Variants in TRAPPC9 observed in about 807,000 individuals in gnomAD.
TRAPPC9 encodes trafficking protein particle complex subunit 9.
Under a neutral mutation model 124.0 loss-of-function variants are expected in TRAPPC9, and 83 were observed. That is an observed-to-expected ratio of 0.67 (90% CI 0.56 to 0.80). TRAPPC9 has a LOEUF of 0.80. Among genes scored for constraint, TRAPPC9 ranks in the 30% least tolerant of loss-of-function variants. The pLI is 0.00. For missense variants in TRAPPC9, 1,302 were observed against 1,508.3 expected, an observed-to-expected ratio of 0.86 and a Z score of 2.27; for synonymous variants, 638 against 617.5, an observed-to-expected ratio of 1.03 and a Z score of -0.49.
chr8:139,863,406 T>A (rs916287065), intron 21 of TRAPPC9, among the ~76,000 whole-genome samples: 12 of 152,124 alleles, frequency 7.9e-5, no homozygotes, highest in African/African-American at 2.7e-4. Flanking sequence ...GGCCCCTACA[T>A]GCTCTCCAGG....
chr8:140,154,071 G>A (rs1041093329), intron 17 of TRAPPC9, among the ~76,000 whole-genome samples: 10 of 152,164 alleles, frequency 6.6e-5, no homozygotes, highest in African/African-American at 2.2e-4. Context: ...TTGCTTGGAT[G>A]TTTTAAAGGC....
intron 21 of TRAPPC9, among the ~76,000 whole-genome samples, chr8:139,757,474 G>A (rs559435601): frequency 4.9e-3 from 743 of 150,900 alleles, no homozygotes; most frequent in African/African-American, 0.018. Context: ...GTCGCAGGAG[G>A]AGCCAGGGTT....
intron 20 of TRAPPC9, chr8:139,904,601 T>C (rs901954023): frequency 7.2e-5 from 11 of 152,388 alleles, no homozygotes; most frequent in African/African-American, 2.6e-4. Flanking sequence ...TGACTATGCC[T>C]CTAGTTGCAC....
At chr8:140,054,091 T>C (rs1219670442) in intron 17 of TRAPPC9, among the ~76,000 whole-genome samples, 1 of 152,238 alleles carries the variant, frequency 6.6e-6, no homozygotes, top group Non-Finnish European at 1.5e-5. Context: ...AAATACTCTA[T>C]GTTTTCACTT....
chr8:140,453,508 G>T (rs973438176), intron 1 of TRAPPC9, among the ~76,000 whole-genome samples: 51 of 48,522 alleles, frequency 1.1e-3, no homozygotes, highest in African/African-American at 3.2e-3. Flanking sequence ...TGTGTCGGGG[G>T]CTATCCTGGA....
At chr8:140,363,685 C>G (rs1367370572) in intron 8 of TRAPPC9, among the ~76,000 whole-genome samples, 1 of 151,932 alleles carries the variant, frequency 6.6e-6, no homozygotes, top group African/African-American at 2.4e-5. Context: ...GCAACTTATG[C>G]CTCCCAGGTT....
At chr8:139,961,467 A>G (rs36195919) in intron 19 of TRAPPC9, among the ~76,000 whole-genome samples, 96,777 of 121,576 alleles carry the variant, frequency 0.8, 43,652 homozygotes, top group East Asian at 0.98. Context: ...GGAGCAGGCA[A>G]GAGCCCCACC....
chr8:140,272,228 ATAG>A (rs1407916943), intron 15 of TRAPPC9, among the ~76,000 whole-genome samples: 4 of 76,144 alleles, frequency 5.3e-5, no homozygotes, highest in African/African-American at 2.2e-4. Flanking sequence ...GGTTGTGTTG[ATAG>A]TGGTAGTGGT....
chr8:139,931,428 C>T (rs1833134982), intron 19 of TRAPPC9: 1 of 152,212 alleles, frequency 6.6e-6, no homozygotes, highest in South Asian at 2.1e-4. Flanking sequence ...CACTCTTCCA[C>T]AGAGGCTGGC....
At chr8:140,283,467 T>A (rs922392857) in intron 14 of TRAPPC9, among the ~76,000 whole-genome samples, 8 of 150,742 alleles carry the variant, frequency 5.3e-5, no homozygotes, top group Admixed American at 5.3e-4. Context: ...GCTAATTTTT[T>A]TTTTTATTTT....
At chr8:140,407,697 A>T (rs2069543391) in intron 5 of TRAPPC9, among the ~76,000 whole-genome samples, 1 of 152,122 alleles carries the variant, frequency 6.6e-6, no homozygotes, top group South Asian at 2.1e-4. Context: ...TCAGCTCGCT[A>T]CAACCCCCCT....
At chr8:140,133,256 A>AT (rs1376783090) in intron 17 of TRAPPC9, among the ~76,000 whole-genome samples, 8 of 152,364 alleles carry the variant, frequency 5.3e-5, no homozygotes, top group East Asian at 1.9e-4. Flanking sequence ...ATAGTTCAAC[A>AT]TTTTTTAAAA....
At chr8:140,209,891 C>T (rs1320898432) in intron 17 of TRAPPC9, among the ~76,000 whole-genome samples, 2 of 152,210 alleles carry the variant, frequency 1.3e-5, no homozygotes, top group Admixed American at 6.5e-5. Context: ...CAGGATATCA[C>T]GGAAACAGCG....
intron 17 of TRAPPC9, among the ~76,000 whole-genome samples, chr8:140,045,762 AGGAG>A: frequency 6.6e-6 from 1 of 151,900 alleles, no homozygotes; most frequent in African/African-American, 2.4e-5. Flanking sequence ...ACAGTGTCCA[AGGAG>A]GACACGCCCA....
chr8:139,743,124 G>T (rs1318381461), intron 21 of TRAPPC9, among the ~76,000 whole-genome samples: 1 of 152,126 alleles, frequency 6.6e-6, no homozygotes, highest in Admixed American at 6.5e-5. Context: ...ATGTCTGCAG[G>T]GCCCAGAGTC....
At chr8:140,142,450 A>G (rs1393838269) in intron 17 of TRAPPC9, among the ~76,000 whole-genome samples, 1 of 152,240 alleles carries the variant, frequency 6.6e-6, no homozygotes, top group Non-Finnish European at 1.5e-5. Flanking sequence ...CGGTGTCCAC[A>G]TGGCAGTGTG....
At chr8:139,927,640 C>T (rs1471259877) in intron 19 of TRAPPC9, among the ~76,000 whole-genome samples, 2 of 152,132 alleles carry the variant, frequency 1.3e-5, no homozygotes, top group African/African-American at 4.8e-5. Flanking sequence ...TACGTCTATG[C>T]AGAGGTCTGT....
chr8:140,309,403 CCT>C (rs1453120785), intron 10 of TRAPPC9, among the ~76,000 whole-genome samples: 1 of 152,226 alleles, frequency 6.6e-6, no homozygotes, highest in African/African-American at 2.4e-5. Context: ...GAACCCAGGG[CCT>C]CTCGCTTAAC....
At chr8:140,234,326 G>A (rs1035187486) in intron 16 of TRAPPC9, among the ~76,000 whole-genome samples, 16 of 152,206 alleles carry the variant, frequency 1.1e-4, no homozygotes, top group African/African-American at 3.9e-4. Context: ...GGGGACTGCT[G>A]CTTTAGATAT....
Sources: gnomAD v4.1 joint callset for allele counts (sites outside exome capture counted in the v4.1 genomes callset) on GRCh38, gnomAD v4.1.1 for gene constraint, MANE v1.5 for transcripts, NCBI Gene and HGNC (gene_info 2026-07-23, HGNC 2026-07-21) for gene names.